Variants in WDR70 observed in about 807,000 individuals in gnomAD.
The protein encoded by WDR70 is WD repeat-containing protein 70.
In WDR70, 53 loss-of-function variants were observed where a neutral mutation model predicts 88.6. The observed-to-expected ratio is 0.60, with a 90% CI of 0.48 to 0.75. The LOEUF is 0.75. Ranked by LOEUF, WDR70 falls within the 30% of genes least tolerant of loss-of-function variation. WDR70 has a pLI of 0.00. For synonymous variants in WDR70, 280 were observed against 270.0 expected, an observed-to-expected ratio of 1.04 and a Z score of -0.36; for missense variants, 610 against 823.2, an observed-to-expected ratio of 0.74 and a Z score of 3.17.
At chr5:37,530,178 C>A (rs530986421) in intron 9 of WDR70, among the ~76,000 whole-genome samples, 2 of 151,958 alleles carry the variant, frequency 1.3e-5, no homozygotes, top group Non-Finnish European at 2.9e-5. Context: ...TTGATCATGG[C>A]GGATTATATT....
chr5:37,392,759 C>T (rs772830087), intron 4 of WDR70, among the ~76,000 whole-genome samples: 12 of 151,972 alleles, frequency 7.9e-5, no homozygotes, highest in Non-Finnish European at 1.3e-4. Context: ...ATTTTCCTGC[C>T]TTAGCCTCCC....
At chr5:37,710,046 A>G (rs1353560738) in intron 13 of WDR70, among the ~76,000 whole-genome samples, 1 of 151,972 alleles carries the variant, frequency 6.6e-6, no homozygotes, top group Non-Finnish European at 1.5e-5. Flanking sequence ...ATACAGTTGA[A>G]TGTTTATTTG....
At chr5:37,542,389 C>T (rs1741851443) in intron 9 of WDR70, among the ~76,000 whole-genome samples, 1 of 151,736 alleles carries the variant, frequency 6.6e-6, no homozygotes, top group Non-Finnish European at 1.5e-5. Context: ...AAGCAGTTCT[C>T]CTGCCTCAGC....
At chr5:37,693,190 C>A (rs1410445489) in intron 10 of WDR70, among the ~76,000 whole-genome samples, 1 of 152,150 alleles carries the variant, frequency 6.6e-6, no homozygotes, top group Non-Finnish European at 1.5e-5. Context: ...GAACTACAAA[C>A]CACTGCTCAA....
At chr5:37,552,308 T>G (rs564426114) in intron 9 of WDR70, among the ~76,000 whole-genome samples, 4 of 152,332 alleles carry the variant, frequency 2.6e-5, no homozygotes, top group Admixed American at 2.6e-4. Context: ...GAAACATAAA[T>G]TCAACATCTA....
intron 6 of WDR70, among the ~76,000 whole-genome samples, chr5:37,442,715 A>C (rs1750694785): frequency 6.6e-6 from 1 of 152,260 alleles, no homozygotes; most frequent in African/African-American, 2.4e-5. Flanking sequence ...TTTAAGGTGA[A>C]TATACCGAGC....
At chr5:37,505,674 A>G in intron 8 of WDR70, 2 of 831,224 alleles carry the variant, frequency 2.4e-6, no homozygotes, top group East Asian at 4.8e-5. Flanking sequence ...ATCTTCCTCT[A>G]GCCCCTAAAA....
At chr5:37,520,411 A>G (rs1741050855) in intron 9 of WDR70, among the ~76,000 whole-genome samples, 1 of 152,054 alleles carries the variant, frequency 6.6e-6, no homozygotes, top group Non-Finnish European at 1.5e-5. Flanking sequence ...AAATAAATAT[A>G]TTTTAGTAAA....
At chr5:37,718,466 A>G (rs1446343608) in intron 13 of WDR70, among the ~76,000 whole-genome samples, 1 of 152,198 alleles carries the variant, frequency 6.6e-6, no homozygotes, top group Admixed American at 6.5e-5. Context: ...CCTCTAGAGA[A>G]CCAAGAAAGA....
chr5:37,573,223 A>C (rs1305484975), intron 9 of WDR70, among the ~76,000 whole-genome samples: 2 of 152,068 alleles, frequency 1.3e-5, no homozygotes, highest in African/African-American at 4.8e-5. Context: ...TCTTGCCTTA[A>C]AGGCTTTACT....
At chr5:37,726,798 T>C in intron 16 of WDR70, 85 bp from the exon 17 acceptor site, 4 of 1,299,966 alleles carry the variant, frequency 3.1e-6, no homozygotes, top group Non-Finnish European at 4.0e-6. Context: ...AGATTTGTGC[T>C]CAGATAAGTA....
intron 10 of WDR70, among the ~76,000 whole-genome samples, chr5:37,686,015 C>T (rs1201168069): frequency 6.6e-6 from 1 of 152,184 alleles, no homozygotes; most frequent in Non-Finnish European, 1.5e-5. Context: ...AGCTGTTCCA[C>T]CCGGCTGCAT....
intron 17 of WDR70, among the ~76,000 whole-genome samples, chr5:37,744,029 G>A (rs1748568490): frequency 1.3e-5 from 2 of 152,124 alleles, no homozygotes; most frequent in African/African-American, 4.8e-5. Context: ...CATCAGGTTG[G>A]TGCCCCTCGA....
intron 9 of WDR70, among the ~76,000 whole-genome samples, chr5:37,522,464 CT>C (rs1741126278): frequency 2.4e-5 from 3 of 126,238 alleles, no homozygotes; most frequent in African/African-American, 9.4e-5. Context: ...GAGTGAGACT[CT>C]GTCTCAAAAA....
intron 7 of WDR70, among the ~76,000 whole-genome samples, chr5:37,463,367 T>C (rs562623688): frequency 1.3e-5 from 2 of 151,994 alleles, no homozygotes; most frequent in Non-Finnish European, 2.9e-5. Context: ...ATCCCTGAAC[T>C]CCTGACTCAC....
chr5:37,575,937 T>C (rs560733399), intron 9 of WDR70, among the ~76,000 whole-genome samples: 1 of 152,292 alleles, frequency 6.6e-6, no homozygotes, highest in Non-Finnish European at 1.5e-5. Flanking sequence ...AATTGTAGGA[T>C]GCCCAGTTGG....
At chr5:37,637,140 G>T (rs1179436998) in intron 10 of WDR70, among the ~76,000 whole-genome samples, 1 of 151,878 alleles carries the variant, frequency 6.6e-6, no homozygotes, top group Non-Finnish European at 1.5e-5. Context: ...TCAGGAGTTT[G>T]AGACCAGCCT....
At chr5:37,558,745 T>G (rs1025463267) in intron 9 of WDR70, among the ~76,000 whole-genome samples, 1 of 152,168 alleles carries the variant, frequency 6.6e-6, no homozygotes, top group African/African-American at 2.4e-5. Context: ...TATAGATACA[T>G]TTTAATTCCT....
chr5:37,521,976 G>A (rs1047133884), intron 9 of WDR70, among the ~76,000 whole-genome samples: 5 of 151,980 alleles, frequency 3.3e-5, no homozygotes, highest in African/African-American at 9.7e-5. Flanking sequence ...TTACATTCCC[G>A]CAAACAGTGT....
Sources: gnomAD v4.1 joint callset for allele counts (sites outside exome capture counted in the v4.1 genomes callset) on GRCh38, gnomAD v4.1.1 for gene constraint, MANE v1.5 for transcripts, NCBI Gene and HGNC (gene_info 2026-07-23, HGNC 2026-07-21) for gene names.